Variants in ENOPH1 observed in about 807,000 individuals in gnomAD.
ENOPH1 encodes the protein enolase-phosphatase 1, also known as enolase-phosphatase E1.
Under a neutral mutation model 31.1 loss-of-function variants are expected in ENOPH1, and 14 were observed. The observed-to-expected ratio is 0.45, with a 90% confidence interval of 0.30 to 0.70. The LOEUF (loss-of-function observed/expected upper bound fraction) is 0.70, where lower values mean the gene tolerates loss of function less well. ENOPH1 is among the 30% of genes least tolerant of loss of function. The pLI is 0.09. For missense variants in ENOPH1, 243 were observed against 321.5 expected (o/e 0.76, Z 1.87); for synonymous variants, 127 against 123.2 (o/e 1.03, Z -0.21).
At chr4:82,447,660 G>T (rs1157122412) in intron 1 of ENOPH1, among the ~76,000 whole-genome samples, 4 of 152,226 alleles carry the variant, frequency 2.6e-5, no homozygotes, top group Non-Finnish European at 5.9e-5. Flanking sequence ...AATGAGTGTG[G>T]CTATGTTCCA....
intron 5 of ENOPH1, among the ~76,000 whole-genome samples, chr4:82,457,566 A>G (rs1319797346): frequency 6.6e-6 from 1 of 152,198 alleles, no homozygotes; most frequent in Admixed American, 6.5e-5. Context: ...CATTGAAAAG[A>G]CTAACTCTTC....
At chr4:82,455,519 G>A (rs1295674986) in intron 4 of ENOPH1, among the ~76,000 whole-genome samples, 2 of 152,092 alleles carry the variant, frequency 1.3e-5, no homozygotes, top group East Asian at 1.9e-4. Context: ...AGTGGCTCAC[G>A]CCTGTAATTC....
At chr4:82,443,594 G>T (rs530038706) in intron 1 of ENOPH1, among the ~76,000 whole-genome samples, 1 of 148,556 alleles carries the variant, frequency 6.7e-6, no homozygotes, top group African/African-American at 2.5e-5. Flanking sequence ...CGGGCGTGGT[G>T]GCGGGCGCCT....
At chr4:82,455,785 C>CAA (rs560737706) in intron 4 of ENOPH1, among the ~76,000 whole-genome samples, 37 of 135,660 alleles carry the variant, frequency 2.7e-4, no homozygotes, top group African/African-American at 9.5e-4. Context: ...GATTCCATCT[C>CAA]AAAAAAAAAA....
At chr4:82,435,351 A>C (rs1265770661) in intron 1 of ENOPH1, among the ~76,000 whole-genome samples, 1 of 152,158 alleles carries the variant, frequency 6.6e-6, no homozygotes, top group African/African-American at 2.4e-5. Context: ...CAGTCCTCCC[A>C]TCACGGCTTC....
intron 5 of ENOPH1, among the ~76,000 whole-genome samples, chr4:82,459,377 A>ACCT (rs1243142767): frequency 1.3e-5 from 2 of 151,636 alleles, no homozygotes; most frequent in Admixed American, 1.3e-4. Context: ...TGCAGCCTTG[A>ACCT]CCTCCTGGGC....
intron 1 of ENOPH1, among the ~76,000 whole-genome samples, chr4:82,432,741 G>A (rs2110035301): frequency 6.6e-6 from 1 of 152,300 alleles, no homozygotes; most frequent in East Asian, 1.9e-4. Context: ...CGGGGTTCAA[G>A]CGATTCTGGT....
At chr4:82,436,387 A>G (rs1304557850) in intron 1 of ENOPH1, among the ~76,000 whole-genome samples, 1 of 152,124 alleles carries the variant, frequency 6.6e-6, no homozygotes, top group Non-Finnish European at 1.5e-5. Flanking sequence ...GTATATCAAG[A>G]GGTGGATGGA....
In ENOPH1 at chr4:82,460,126, G is replaced by T; in HGVS notation, c.*6G>T. ...ACCTGCCTTCCTCAACCTAGAGAAG[G>T]GTTGTTAAGGCAGACCGCCCTGTTC... On this transcript the variant is annotated 3_prime_UTR_variant, in exon 6 of 6. Transcript: ENST00000273920. The T allele has an allele frequency of 6.2e-7, 1 of 1,614,098 alleles. No individual in the cohort carries two copies. The highest frequency in any genetic ancestry group is 8.5e-7 in the Non-Finnish European group (1 of 1,179,984).
At chr4:82,439,636 A>G (rs1721992216) in intron 1 of ENOPH1, among the ~76,000 whole-genome samples, 1 of 152,210 alleles carries the variant, frequency 6.6e-6, no homozygotes, top group Non-Finnish European at 1.5e-5. Context: ...TTTGTACTTA[A>G]CCTTTATGTG....
chr4:82,460,245 A>G lies in ENOPH1; in HGVS notation c.*125A>G. The G allele has an allele frequency of 1.1e-6, 1 of 933,010 alleles. No individual in the cohort carries two copies. The highest frequency in any genetic ancestry group is 1.7e-5 in the South Asian group (1 of 60,028). The allele number at this position is 933,010 out of a possible 1,614,324, so 57.8% of individuals were successfully genotyped here. A position where few individuals can be genotyped will look rare whatever the true frequency, so the allele number is the denominator to read the frequency against. On this transcript the variant is annotated 3_prime_UTR_variant, in exon 6 of 6. Coordinates refer to ENST00000273920, the MANE Select transcript of ENOPH1 (RefSeq NM_021204.5). ...TACACATATGTATGCAAGTATGTAT[A>G]TATGTGTATGCTCAGATTAACTTCC...
chr4:82,454,412 T>G (rs1178806083), intron 3 of ENOPH1, among the ~76,000 whole-genome samples: 1 of 152,236 alleles, frequency 6.6e-6, no homozygotes, highest in Non-Finnish European at 1.5e-5. Context: ...TTTGCTTTTT[T>G]GAGTTCTTCG....
chr4:82,454,597 CAG>C, intron 3 of ENOPH1, 123 bp from the exon 4 acceptor site: 2 of 1,037,156 alleles, frequency 1.9e-6, no homozygotes, highest in Non-Finnish European at 2.8e-6. Context: ...TTTGTAGTCT[CAG>C]GGAGCTGCTT....
intron 1 of ENOPH1, among the ~76,000 whole-genome samples, chr4:82,439,024 C>T (rs1721976692): frequency 6.6e-6 from 1 of 152,166 alleles, no homozygotes; most frequent in African/African-American, 2.4e-5. Context: ...CTATTGCACC[C>T]ATTTTCCCAT....
chr4:82,453,644 C>T (rs1048724881), intron 3 of ENOPH1, among the ~76,000 whole-genome samples: 14 of 152,146 alleles, frequency 9.2e-5, no homozygotes, highest in African/African-American at 2.9e-4. Flanking sequence ...ACATATAAAG[C>T]GGAAGACTCC....
intron 1 of ENOPH1, among the ~76,000 whole-genome samples, chr4:82,436,345 G>T (rs760717143): frequency 6.6e-5 from 10 of 152,226 alleles, no homozygotes; most frequent in African/African-American, 2.2e-4. Flanking sequence ...CTTGAAACAA[G>T]GTGAGGAGTC....
intron 5 of ENOPH1, among the ~76,000 whole-genome samples, chr4:82,458,399 C>T (rs1031288820): frequency 3.9e-5 from 6 of 151,940 alleles, no homozygotes; most frequent in African/African-American, 1.2e-4. Flanking sequence ...CCTGGCTACT[C>T]GGCTGGGGGC....
chr4:82,450,615 A>G (rs1332160460), intron 2 of ENOPH1, among the ~76,000 whole-genome samples: 1 of 152,222 alleles, frequency 6.6e-6, no homozygotes, highest in Non-Finnish European at 1.5e-5. Context: ...CAACCTCATT[A>G]CTTCACTAGC....
At chr4:82,435,873 G>A (rs377416518) in intron 1 of ENOPH1, among the ~76,000 whole-genome samples, 5 of 152,210 alleles carry the variant, frequency 3.3e-5, no homozygotes, top group Non-Finnish European at 5.9e-5. Flanking sequence ...TTTTTCATCC[G>A]CAGGGATGGG....
Sources: allele counts gnomAD v4.1 joint callset (sites outside exome capture counted in the v4.1 genomes callset), GRCh38; gene constraint gnomAD v4.1.1; transcripts MANE v1.5; gene names NCBI Gene and HGNC (gene_info 2026-07-23, HGNC 2026-07-21).